Variants in TYW1 observed in about 807,000 individuals in gnomAD.
TYW1 encodes tRNA-yW synthesizing protein 1 homolog.
In TYW1, 46 loss-of-function variants were observed where a neutral mutation model predicts 96.2. The observed-to-expected ratio is 0.48, with a 90% CI of 0.38 to 0.61. The LOEUF is 0.61. TYW1 is among the 20% of genes least tolerant of loss of function. The pLI, the probability that TYW1 is intolerant of heterozygous loss-of-function variation, is 0.00. For synonymous variants in TYW1, 274 were observed against 323.0 expected, an observed-to-expected ratio of 0.85 and a Z score of 1.63; for missense variants, 684 against 909.6, an observed-to-expected ratio of 0.75 and a Z score of 3.19.
chr7:67,110,028 C>T (rs1360118524), intron 12 of TYW1, among the ~76,000 whole-genome samples: 4 of 152,256 alleles, frequency 2.6e-5, no homozygotes, highest in East Asian at 3.9e-4. Flanking sequence ...TATGGCAAAC[C>T]TGGAAACTTT....
rs558371426 is a variant in TYW1 at position 67,205,323 on chromosome 7, G to A, written c.1977+9986G>A. Among the ~76,000 whole-genome samples the A allele has an allele frequency of 4.1e-3, 613 of 150,698 alleles. 2 individuals carry two copies. Among genetic ancestry groups the A allele is most frequent in the African/African-American group, 0.011 (433 of 40,882 alleles). On this transcript the variant is annotated intron_variant, in intron 15 of 15. Transcript: ENST00000359626. ...GCCTCCTGTGATACCATTCTGATGA[G>A]GAAGGGAGAGCCATCTTGTGACTGT... is the stretch of plus-strand genomic sequence containing the variant.
Position 67,053,081 on chromosome 7 carries a change from CTTTTTT to C in TYW1, c.1103-2739_1103-2734del, listed in dbSNP as rs35579526. Reference sequence around the variant, plus strand: ...AAACACTCTTATAAACAGTTTTAAGCTTTTTTTTTTTTTTTTTTTTCCTGGGACAAG... The same window carrying C: ...AAACACTCTTATAAACAGTTTTAAGCTTTTTTTTTTTTTTCCTGGGACAAG... On this transcript the variant is annotated intron_variant, in intron 8 of 15. Transcript: ENST00000359626. 6.5e-4 allele frequency among the ~76,000 whole-genome samples: 84 copies of C among 129,786 alleles called. 1 individual carries two copies. Among genetic ancestry groups the C allele is most frequent in the Middle Eastern group, 3.8e-3 (1 of 264 alleles). The allele number at this position is 129,786 out of a possible 152,430, so 85.1% of individuals were successfully genotyped here.
Position 67,175,296 on chromosome 7 carries a change from C to T in TYW1, c.1699-7830C>T, listed in dbSNP as rs182726009. 2.3e-3 allele frequency among the ~76,000 whole-genome samples: 348 copies of T among 152,052 alleles called. 4 individuals carry two copies. The highest frequency in any genetic ancestry group is 8.1e-3 in the African/African-American group (336 of 41,456). On this transcript the variant is annotated intron_variant, in intron 13 of 15. Coordinates refer to ENST00000359626, the MANE Select transcript of TYW1 (RefSeq NM_018264.4). ...AAGTGATTCTCGTGCCTCAGCCCCACGAGTAGCTGGGACTACAGGCATGTG... is the reference window on the plus strand; with the variant it reads ...AAGTGATTCTCGTGCCTCAGCCCCATGAGTAGCTGGGACTACAGGCATGTG...
intron 13 of TYW1, among the ~76,000 whole-genome samples, chr7:67,121,161 A>G (rs184121230): frequency 8.5e-5 from 13 of 152,300 alleles, no homozygotes; most frequent in Admixed American, 4.6e-4. Context: ...AGATGCTATT[A>G]AGAAAGATTT....
chr7:67,010,600 C>T (rs1434729349), intron 4 of TYW1, among the ~76,000 whole-genome samples: 4 of 152,058 alleles, frequency 2.6e-5, no homozygotes, highest in East Asian at 1.9e-4. Flanking sequence ...CTCAGCCTCC[C>T]GAGTAGGTGG....
chr7:67,218,195 G>T (rs1801263282), intron 15 of TYW1, among the ~76,000 whole-genome samples: 1 of 151,882 alleles, frequency 6.6e-6, no homozygotes, highest in African/African-American at 2.4e-5. Flanking sequence ...TTCAATCCAT[G>T]AACATGGGAT....
At chr7:67,217,324 T>C (rs1801228668) in intron 15 of TYW1, among the ~76,000 whole-genome samples, 1 of 152,184 alleles carries the variant, frequency 6.6e-6, no homozygotes, top group Non-Finnish European at 1.5e-5. Context: ...ACCCACGAAA[T>C]CACTGCTATA....
chr7:67,225,319 G>T (rs1801527759), intron 15 of TYW1, among the ~76,000 whole-genome samples: 1 of 152,122 alleles, frequency 6.6e-6, no homozygotes, highest in Non-Finnish European at 1.5e-5. Flanking sequence ...AGACAAGGTA[G>T]GGAAGGTGAA....
chr7:67,071,056 G>A (rs553075376), intron 10 of TYW1, among the ~76,000 whole-genome samples: 130 of 151,970 alleles, frequency 8.6e-4, no homozygotes, highest in African/African-American at 2.8e-3. Context: ...GCGTGAACCC[G>A]GGAGGTGGAG....
intron 13 of TYW1, among the ~76,000 whole-genome samples, chr7:67,138,101 C>T (rs1351294930): frequency 6.6e-6 from 1 of 152,138 alleles, no homozygotes; most frequent in Non-Finnish European, 1.5e-5. Context: ...TTTGCAGACA[C>T]CCCACACTTC....
chr7:67,181,557 C>T (rs1355732555), intron 13 of TYW1, among the ~76,000 whole-genome samples: 1 of 152,126 alleles, frequency 6.6e-6, no homozygotes, highest in Non-Finnish European at 1.5e-5. Context: ...TGGAAGTTTT[C>T]AAACATAGAC....
chr7:67,095,732 G>A (rs1405124273), intron 11 of TYW1, among the ~76,000 whole-genome samples: 2 of 151,654 alleles, frequency 1.3e-5, no homozygotes, highest in East Asian at 3.9e-4. Context: ...CCTATGTCTC[G>A]TTCACTGGCT....
chr7:67,018,693 G>T (rs1234007285), intron 6 of TYW1, among the ~76,000 whole-genome samples: 1 of 151,736 alleles, frequency 6.6e-6, no homozygotes, highest in African/African-American at 2.4e-5. Flanking sequence ...GGTGGCTCAC[G>T]CTTGTAATCC....
intron 13 of TYW1, among the ~76,000 whole-genome samples, chr7:67,169,272 C>G (rs1799447012): frequency 6.6e-6 from 1 of 151,950 alleles, no homozygotes; most frequent in African/African-American, 2.4e-5. Flanking sequence ...AATTTAGTGG[C>G]TTTTAGTTTA....
At chr7:67,069,724 G>A (rs1795976318) in intron 10 of TYW1, among the ~76,000 whole-genome samples, 1 of 152,108 alleles carries the variant, frequency 6.6e-6, no homozygotes, top group African/African-American at 2.4e-5. Context: ...GGGTGGCAGA[G>A]CAAGACCCTG....
chr7:67,026,921 G>A lies in TYW1; in HGVS notation c.984+1899G>A, dbSNP rs1794470577. 2.6e-5 allele frequency among the ~76,000 whole-genome samples: 4 copies of A among 152,262 alleles called. 1 individual carries two copies. In the South Asian group the frequency reaches 8.3e-4, roughly 32 times the overall value. On this transcript the variant is annotated intron_variant, in intron 7 of 15. Transcript: ENST00000359626. ...TCTAAAAATAAATTATGTTGGCTGA[G>A]TGCAGTGGCTCACCCTGTAATCCCA...
chr7:67,069,608 G>T (rs2115684485), intron 10 of TYW1, among the ~76,000 whole-genome samples: 1 of 152,244 alleles, frequency 6.6e-6, no homozygotes, highest in East Asian at 1.9e-4. Flanking sequence ...GCATGGTGGT[G>T]CATGTCTGAA....
chr7:67,212,897 CAG>C (rs1156745760), intron 15 of TYW1, among the ~76,000 whole-genome samples: 2 of 151,950 alleles, frequency 1.3e-5, no homozygotes, highest in East Asian at 3.9e-4. Flanking sequence ...TGTTTTGAGA[CAG>C]AGTTTTGCTC....
chr7:67,148,074 G>A (rs1247379610), intron 13 of TYW1, among the ~76,000 whole-genome samples: 1 of 151,940 alleles, frequency 6.6e-6, no homozygotes, highest in Admixed American at 6.6e-5. Flanking sequence ...GAGAACAGAT[G>A]GTCATCTTGG....
Sources: allele counts gnomAD v4.1 joint callset (sites outside exome capture counted in the v4.1 genomes callset), GRCh38; gene constraint gnomAD v4.1.1; transcripts MANE v1.5; gene names NCBI Gene and HGNC (gene_info 2026-07-23, HGNC 2026-07-21).